LRP2: variants seen among roughly 807,000 people sequenced by gnomAD.
LRP2 encodes low-density lipoprotein receptor-related protein 2.
In LRP2, 172 loss-of-function variants were observed where a neutral mutation model predicts 531.0. The ratio of observed to expected loss-of-function variants is 0.32; its 90% CI spans 0.29 to 0.37. LRP2 has a LOEUF of 0.37. LRP2 is among the 10% of genes least tolerant of loss of function. LRP2 has a pLI of 1.00. For missense variants in LRP2, 5,167 were observed against 5,868.3 expected (o/e 0.88, Z 3.90); for synonymous variants, 1,992 against 2,027.6 (o/e 0.98, Z 0.47).
chr2:169,309,856 G>T (rs1321505768), intron 3 of LRP2, among the ~76,000 whole-genome samples: 1 of 152,200 alleles, frequency 6.6e-6, no homozygotes, highest in African/African-American at 2.4e-5. Flanking sequence ...CTATCCATAA[G>T]CATAGAATGT....
chr2:169,180,293 C>A (rs1310586759), intron 52 of LRP2, among the ~76,000 whole-genome samples: 1 of 152,180 alleles, frequency 6.6e-6, no homozygotes, highest in African/African-American at 2.4e-5. Context: ...GATACACACA[C>A]TGTGGGAAGG....
intron 14 of LRP2, 71 bp from the exon 15 acceptor site, chr2:169,273,138 C>T: frequency 5.1e-6 from 8 of 1,567,192 alleles, no homozygotes; most frequent in South Asian, 1.1e-5. Context: ...GAAGCCACTT[C>T]TAGCCCTTTT....
At chr2:169,267,134 C>T (rs1224022799) in intron 16 of LRP2, among the ~76,000 whole-genome samples, 1 of 151,754 alleles carries the variant, frequency 6.6e-6, no homozygotes, top group East Asian at 1.9e-4. Context: ...AAGCAATCCT[C>T]CCGTCTCGGT....
intron 1 of LRP2, among the ~76,000 whole-genome samples, chr2:169,327,336 GCCGCC>G (rs1685110405): frequency 1.5e-5 from 2 of 130,836 alleles, no homozygotes; most frequent in African/African-American, 5.8e-5. Context: ...CGCCCGGCCA[GCCGCC>G]CCATCCGGGA....
intron 67 of LRP2, among the ~76,000 whole-genome samples, chr2:169,152,127 G>C (rs895637759): frequency 1.3e-5 from 2 of 152,056 alleles, no homozygotes; most frequent in Non-Finnish European, 2.9e-5. Flanking sequence ...ACATCCATTT[G>C]TACCTCACAC....
intron 46 of LRP2, among the ~76,000 whole-genome samples, chr2:169,196,388 G>A (rs1330484426): frequency 6.6e-6 from 1 of 152,196 alleles, no homozygotes; most frequent in African/African-American, 2.4e-5. Flanking sequence ...AAGGCAAATA[G>A]CAGCCTCCAA....
chr2:169,262,605 C>A (rs1185313053), intron 16 of LRP2, among the ~76,000 whole-genome samples: 2 of 149,754 alleles, frequency 1.3e-5, no homozygotes, highest in Non-Finnish European at 3.0e-5. Flanking sequence ...AGGATACAAA[C>A]AAATGGAAGA....
At chr2:169,267,015 G>C (rs1019378408) in intron 16 of LRP2, among the ~76,000 whole-genome samples, 1 of 150,830 alleles carries the variant, frequency 6.6e-6, no homozygotes, top group Non-Finnish European at 1.5e-5. Flanking sequence ...AGCCTCCCAA[G>C]TAGTGGGGAC....
At chr2:169,135,920 A>G (rs551804182) in intron 76 of LRP2, among the ~76,000 whole-genome samples, 26 of 152,090 alleles carry the variant, frequency 1.7e-4, no homozygotes, top group Admixed American at 3.3e-4. Flanking sequence ...CTGTTTCTCC[A>G]AGCCGTCACA....
In LRP2 at chr2:169,181,505, G is replaced by T. The variant is rs1483119123; in HGVS notation, c.10112C>A (p.Thr3371Asn). The T allele has an allele frequency of 1.2e-6, 2 of 1,613,846 alleles. No homozygotes were observed. The highest frequency in any genetic ancestry group is 1.7e-5 in the Admixed American group (1 of 60,012). ...GAGTAGATCATTGGTGTAATCAATG[G>T]TGATGCCATTAGGCCACTCTAACTT... ...STKLEWPNGI[T>N]IDYTNDLLYW... Residue 3371 changes from threonine (T) to asparagine (N), a missense_variant, in exon 52 of 79, where the codon ACC (threonine) becomes AAC (asparagine). Thr to Asn is a moderately conservative substitution (Grantham distance 65, BLOSUM62 0). This residue lies in a region of LRP2 where 1,129 missense variants were observed against 1,362.7 expected (regional missense o/e 0.83). Transcript: ENST00000649046.
chr2:169,228,310 G>GT (rs1689273347), intron 31 of LRP2, among the ~76,000 whole-genome samples: 1 of 102,324 alleles, frequency 9.8e-6, no homozygotes, highest in African/African-American at 4.0e-5. Flanking sequence ...AACTGCAACA[G>GT]TAAAAAAAAA....
intron 19 of LRP2, among the ~76,000 whole-genome samples, chr2:169,255,428 G>A (rs1008287848): frequency 3.9e-5 from 6 of 152,158 alleles, no homozygotes; most frequent in African/African-American, 1.4e-4. Flanking sequence ...GAGAAGACAG[G>A]CAAGCACTGG....
At chr2:169,327,997 A>C (rs1190681693) in intron 1 of LRP2, among the ~76,000 whole-genome samples, 27 of 56,088 alleles carry the variant, frequency 4.8e-4, no homozygotes, top group Admixed American at 7.5e-4. Context: ...GGTTAGCCCC[A>C]CGTCCGGGAG....
rs531325213 is a variant in LRP2, at chr2:169,308,802, T to A, written c.311-1405A>T. Among the ~76,000 whole-genome samples the A allele has an allele frequency of 1.4e-3, 217 of 152,304 alleles. 1 individual carries two copies. Among genetic ancestry groups the A allele is most frequent in the Admixed American group, 7.9e-3 (121 of 15,288 alleles). ...AGATCCTTGAGGAATCGCCACACTG[T>A]CTTCCACAATGGTTGAACTAGTTTA... On this transcript the variant is annotated intron_variant, in intron 3 of 78. Transcript: ENST00000649046.
At chr2:169,198,746 C>T (rs1252885727) in intron 45 of LRP2, 40 bp downstream of exon 45, 1 of 1,609,150 alleles carries the variant, frequency 6.2e-7, no homozygotes, top group Admixed American at 1.7e-5. Flanking sequence ...CAACATGCAT[C>T]TCTGGAACGA....
chr2:169,211,874 T>G lies in LRP2; in HGVS notation c.6280+94A>C. On this transcript the variant is annotated intron_variant, in intron 37 of 78. Transcript: ENST00000649046. ...GGGAAAGGAAAGCTTCATTATGCAC[T>G]GAATCCACACATGAAGAAATGTTTT... 2.0e-6 allele frequency: 3 copies of G among 1,520,082 alleles called. No individual in the cohort carries two copies. The East Asian group carries it at 6.8e-5, about 34-fold the overall frequency. The allele number at this position is 1,520,082 out of a possible 1,614,324, so 94.2% of individuals were successfully genotyped here.
chr2:169,328,227 G>C (rs1277921960), intron 1 of LRP2, among the ~76,000 whole-genome samples: 4 of 117,922 alleles, frequency 3.4e-5, no homozygotes, highest in Admixed American at 1.6e-4. Flanking sequence ...CGCCCCGTCC[G>C]GGAGGGAGGT....
Position 169,241,145 on chromosome 2 carries a change from G to T in LRP2, c.3888C>A (p.Cys1296Ter). Residue 1296 changes from cysteine (C) to a stop codon, truncating the protein, a stop_gained, in exon 25 of 79, where the codon TGC becomes TGA. Transcript: ENST00000649046. LOFTEE classifies it high-confidence loss of function. ...AGTCCTTCTCATCACTCATATCCCC[G>T]CAGTCATTGTCCCGATCACAGAGCC... The part of the protein sequence containing the change: ...RAWLCDRDND[C>*]GDMSDEKDCP... 1 of 1,614,100 alleles carries T rather than the reference G, an allele frequency of 6.2e-7. No homozygotes were observed. Among genetic ancestry groups the T allele is most frequent in the Non-Finnish European group, 8.5e-7 (1 of 1,180,004 alleles).
chr2:169,216,971 T>C (rs549346286), intron 34 of LRP2, among the ~76,000 whole-genome samples: 16 of 152,276 alleles, frequency 1.1e-4, no homozygotes, highest in African/African-American at 3.8e-4. Flanking sequence ...AGTAACACTT[T>C]TCTGTGAGAG....
Sources: allele counts gnomAD v4.1 joint callset (sites outside exome capture counted in the v4.1 genomes callset), GRCh38; gene constraint gnomAD v4.1.1; regional missense constraint gnomAD v4.1.1; transcripts MANE v1.5; gene names NCBI Gene and HGNC (gene_info 2026-07-23, HGNC 2026-07-21).